The following ZNF618 variants were observed in gnomAD, a reference collection of about 807,000 sequenced individuals.
ZNF618 encodes neural precursor cell expressed, developmentally down-regulated 10.
ZNF618 carries 34 observed loss-of-function variants against 103.0 expected under a neutral mutation model. That is an observed-to-expected ratio of 0.33 (90% CI 0.25 to 0.44). The LOEUF is 0.44. ZNF618 is among the 20% of genes least tolerant of loss of function. The probability of loss-of-function intolerance (pLI) is 1.00; values close to 1 mark genes in which losing one functional copy is unlikely to be tolerated. For synonymous variants in ZNF618, 551 were observed against 542.2 expected, an observed-to-expected ratio of 1.02 and a Z score of -0.23; for missense variants, 1,059 against 1,295.4, an observed-to-expected ratio of 0.82 and a Z score of 2.80.
chr9:113,952,194 A>T (rs943110373), intron 1 of ZNF618, among the ~76,000 whole-genome samples: 1 of 152,180 alleles, frequency 6.6e-6, no homozygotes, highest in South Asian at 2.1e-4. Flanking sequence ...GCAGCATTTC[A>T]CTAAAAGATG....
chr9:113,928,185 A>C (rs12378378), intron 1 of ZNF618, among the ~76,000 whole-genome samples: 2 of 151,892 alleles, frequency 1.3e-5, no homozygotes, highest in African/African-American at 4.8e-5. Flanking sequence ...TTTATCAGCT[A>C]TATCCAGCTA....
rs758238131 is a variant in ZNF618 at position 113,969,199 on chromosome 9, G to C, written c.77+39G>C. On this transcript the variant is annotated intron_variant, in intron 2 of 14. Coordinates refer to ENST00000374126, the MANE Select transcript of ZNF618 (RefSeq NM_001318042.2). ...CCCGCCCCCAGCTTGTCCACCCATC[G>C]ACTCAGGTCTTCATGACTAACAGTT... The C allele has an allele frequency of 3.1e-6, 5 of 1,613,302 alleles. No individual in the cohort carries two copies. In the South Asian group the frequency reaches 4.4e-5, roughly 14 times the overall value.
chr9:113,910,495 G>C (rs529103602), intron 1 of ZNF618, among the ~76,000 whole-genome samples: 1 of 152,284 alleles, frequency 6.6e-6, no homozygotes, highest in South Asian at 2.1e-4. Context: ...GCGTGTTCCT[G>C]CCAGCCAGGT....
chr9:113,999,273 G>T (rs1436799665), intron 4 of ZNF618, among the ~76,000 whole-genome samples: 1 of 142,134 alleles, frequency 7.0e-6, no homozygotes, highest in African/African-American at 3.1e-5. Flanking sequence ...AGGGGCAGGC[G>T]GGGCCCTGGG....
At chr9:113,988,200 G>C in intron 2 of ZNF618, 121 bp from the exon 3 acceptor site, 1 of 1,351,878 alleles carries the variant, frequency 7.4e-7, no homozygotes, top group South Asian at 1.6e-5. Flanking sequence ...GGCTAAGGGG[G>C]CCGGGGGCCC....
intron 1 of ZNF618, among the ~76,000 whole-genome samples, chr9:113,889,643 T>C (rs539509847): frequency 3.9e-5 from 6 of 152,218 alleles, no homozygotes; most frequent in Non-Finnish European, 8.8e-5. Flanking sequence ...GGATATATCT[T>C]GATGTGGCCA....
chr9:113,985,997 G>A (rs1005452586), intron 2 of ZNF618, among the ~76,000 whole-genome samples: 6 of 152,296 alleles, frequency 3.9e-5, no homozygotes, highest in African/African-American at 7.2e-5. Context: ...CTTTCTTACC[G>A]TGGAGAAGGG....
Position 114,050,458 on chromosome 9 carries a change from A to C in ZNF618, c.*291A>C. 3.3e-6 allele frequency: 1 copy of C among 300,830 alleles called. No homozygotes were observed. Among genetic ancestry groups the C allele is most frequent in the Non-Finnish European group, 6.1e-6 (1 of 163,234 alleles). The allele number at this position is 300,830 out of a possible 1,614,324, so 18.6% of individuals were successfully genotyped here. A position where few individuals can be genotyped will look rare whatever the true frequency, so the allele number is the denominator to read the frequency against. ...TGCACACACGCACACACACACACAC[A>C]CACACACACACACACACGACCCTGG... On this transcript the variant is annotated 3_prime_UTR_variant, in exon 15 of 15. Coordinates refer to ENST00000374126, the MANE Select transcript of ZNF618 (RefSeq NM_001318042.2).
At chr9:113,967,718 G>A (rs1333600651) in intron 1 of ZNF618, among the ~76,000 whole-genome samples, 4 of 152,200 alleles carry the variant, frequency 2.6e-5, no homozygotes, top group Non-Finnish European at 5.9e-5. Context: ...AGGCATTAAT[G>A]TCCACATCCT....
At chr9:113,905,834 C>G (rs1020153847) in intron 1 of ZNF618, among the ~76,000 whole-genome samples, 1 of 152,164 alleles carries the variant, frequency 6.6e-6, no homozygotes, top group Non-Finnish European at 1.5e-5. Flanking sequence ...ACTCATACCT[C>G]CTCAACTTCA....
intron 3 of ZNF618, among the ~76,000 whole-genome samples, chr9:113,996,245 C>T (rs1025716195): frequency 2.0e-5 from 3 of 152,218 alleles, no homozygotes; most frequent in South Asian, 2.1e-4. Context: ...GGGCTGGACA[C>T]ACTCCTGAAC....
chr9:113,904,819 G>T (rs188393287), intron 1 of ZNF618, among the ~76,000 whole-genome samples: 2 of 152,100 alleles, frequency 1.3e-5, no homozygotes, highest in African/African-American at 2.4e-5. Context: ...TTCTTCTCAC[G>T]TTGCCCATCT....
intron 1 of ZNF618, among the ~76,000 whole-genome samples, chr9:113,905,257 A>T (rs1001754930): frequency 1.3e-5 from 2 of 152,112 alleles, no homozygotes; most frequent in Admixed American, 6.5e-5. Context: ...GGGTTTCACC[A>T]TGTTAGCCAG....
rs1025376327 is a variant in ZNF618, at chr9:114,051,583, C to G, written c.*1416C>G. 2 of 152,762 alleles carry G rather than the reference C, an allele frequency of 1.3e-5. No individual in the cohort carries two copies. The highest frequency in any genetic ancestry group is 1.3e-4 in the Admixed American group (2 of 15,280). The allele number at this position is 152,762 out of a possible 1,614,324, so 9.5% of individuals were successfully genotyped here. On this transcript the variant is annotated 3_prime_UTR_variant, in exon 15 of 15. Transcript: ENST00000374126. ...ACAGCCTCTCCTCACTTCCCAGGACCCTGAGGCTTCCAGGAGCTCTGCTGC... is the reference window on the plus strand; with the variant it reads ...ACAGCCTCTCCTCACTTCCCAGGACGCTGAGGCTTCCAGGAGCTCTGCTGC...
Position 113,995,357 on chromosome 9 carries a change from G to A in ZNF618, c.338-2902G>A, listed in dbSNP as rs543561240. ...CATCAAAAACAAATTTAGGTAAATA[G>A]TAAATGTAAAAGTAAAAAATTATTG... On this transcript the variant is annotated intron_variant, in intron 3 of 14. Coordinates refer to ENST00000374126, the MANE Select transcript of ZNF618 (RefSeq NM_001318042.2). 6.1e-4 allele frequency among the ~76,000 whole-genome samples: 92 copies of A among 151,958 alleles called. 4 individuals are homozygous for A. In the South Asian group the frequency reaches 0.019, roughly 31 times the overall value.
At chr9:114,001,960 G>T (rs1331511915) in intron 4 of ZNF618, 36 bp from the exon 5 acceptor site, 23 of 1,582,624 alleles carry the variant, frequency 1.5e-5, no homozygotes, top group African/African-American at 6.7e-5. Context: ...GGTCACAGAG[G>T]TTGGGTGACC....
At chr9:113,926,149 GTTGTT>G (rs1833070086) in intron 1 of ZNF618, among the ~76,000 whole-genome samples, 1 of 132,560 alleles carries the variant, frequency 7.5e-6, no homozygotes, top group Non-Finnish European at 1.7e-5. Flanking sequence ...CTAGGTTGGT[GTTGTT>G]TTTTTTTTTT....
intron 1 of ZNF618, among the ~76,000 whole-genome samples, chr9:113,959,581 C>T (rs528117178): frequency 3.3e-5 from 5 of 152,114 alleles, no homozygotes; most frequent in Admixed American, 1.3e-4. Flanking sequence ...TACCTCTCTG[C>T]GGATTTCCCC....
At chr9:114,043,964 G>A (rs1045992252) in intron 13 of ZNF618, among the ~76,000 whole-genome samples, 41 of 152,160 alleles carry the variant, frequency 2.7e-4, no homozygotes, top group African/African-American at 8.4e-4. Flanking sequence ...TTTGTCAGAT[G>A]CATAGTTTGC....
Sources: allele counts gnomAD v4.1 joint callset (sites outside exome capture counted in the v4.1 genomes callset), GRCh38; gene constraint gnomAD v4.1.1; transcripts MANE v1.5; gene names NCBI Gene and HGNC (gene_info 2026-07-23, HGNC 2026-07-21).